The following CSMD1 variants were observed in gnomAD, a reference collection of about 807,000 sequenced individuals.
CSMD1 encodes the protein CUB and Sushi multiple domains 1, also known as CUB and sushi domain-containing protein 1.
A neutral mutation model predicts 417.5 loss-of-function variants in CSMD1; 213 were observed. The ratio of observed to expected loss-of-function variants is 0.51; its 90% CI spans 0.46 to 0.57. The LOEUF is 0.57. Among genes scored for constraint, CSMD1 ranks in the 20% least tolerant of loss-of-function variants. The pLI, the probability that CSMD1 is intolerant of heterozygous loss-of-function variation, is 0.00. For missense variants in CSMD1, 6,923 were observed against 4,529.7 expected, an observed-to-expected ratio of 1.53 and a Z score of -15.17; for synonymous variants, 2,862 against 1,736.8, an observed-to-expected ratio of 1.65 and a Z score of -16.11.
intron 10 of CSMD1, among the ~76,000 whole-genome samples, chr8:3,499,058 C>CT (rs781076476): frequency 3.3e-5 from 5 of 152,090 alleles, no homozygotes; most frequent in Non-Finnish European, 7.4e-5. Context: ...ATGTTTCTTG[C>CT]TTTTTAGACA....
At chr8:4,674,044 T>C (rs527570176) in intron 1 of CSMD1, among the ~76,000 whole-genome samples, 1 of 152,336 alleles carries the variant, frequency 6.6e-6, no homozygotes, top group African/African-American at 2.4e-5. Context: ...TCAATAAAGC[T>C]ATTATTAAAA....
At chr8:4,575,456 T>C (rs1410849999) in intron 2 of CSMD1, among the ~76,000 whole-genome samples, 1 of 152,176 alleles carries the variant, frequency 6.6e-6, no homozygotes, top group African/African-American at 2.4e-5. Context: ...CGGCAGGTCA[T>C]TAATTTCTCT....
chr8:3,766,739 G>C (rs1394247052), intron 5 of CSMD1, among the ~76,000 whole-genome samples: 3 of 151,448 alleles, frequency 2.0e-5, no homozygotes, highest in Non-Finnish European at 4.4e-5. Flanking sequence ...ATTATTTTTA[G>C]CATACATATT....
chr8:4,451,224 G>C (rs1037440554), intron 2 of CSMD1, among the ~76,000 whole-genome samples: 1 of 152,096 alleles, frequency 6.6e-6, no homozygotes, highest in African/African-American at 2.4e-5. Flanking sequence ...TCAACTACTT[G>C]GGAGGCTAAG....
intron 3 of CSMD1, among the ~76,000 whole-genome samples, chr8:4,042,698 T>A (rs770010151): frequency 2.0e-5 from 3 of 151,204 alleles, no homozygotes; most frequent in Non-Finnish European, 2.9e-5. Flanking sequence ...ATATTTTAGG[T>A]TTCTAACATA....
chr8:4,305,303 G>C (rs373246092), intron 3 of CSMD1, among the ~76,000 whole-genome samples: 1 of 152,142 alleles, frequency 6.6e-6, no homozygotes, highest in Non-Finnish European at 1.5e-5. Flanking sequence ...CCCGCTAGGA[G>C]AGAGTCAGGC....
intron 2 of CSMD1, among the ~76,000 whole-genome samples, chr8:4,490,755 T>C (rs1023377717): frequency 1.3e-5 from 2 of 152,216 alleles, no homozygotes; most frequent in Admixed American, 6.5e-5. Context: ...CAGGGTCAGA[T>C]TGTGCACTAG....
At chr8:3,797,527 G>C (rs976384699) in intron 5 of CSMD1, among the ~76,000 whole-genome samples, 3 of 151,724 alleles carry the variant, frequency 2.0e-5, no homozygotes, top group Non-Finnish European at 4.4e-5. Context: ...TTATATATTA[G>C]GCAAGCTCTC....
chr8:3,224,205 C>T (rs55737375), intron 27 of CSMD1, among the ~76,000 whole-genome samples: 19,096 of 152,198 alleles, frequency 0.13, 1,357 homozygotes, highest in Admixed American at 0.18. Context: ...CCAACGTGCA[C>T]ACATGTGCAC....
intron 7 of CSMD1, among the ~76,000 whole-genome samples, chr8:3,628,461 T>A (rs921250623): frequency 6.6e-6 from 1 of 152,196 alleles, no homozygotes; most frequent in Non-Finnish European, 1.5e-5. Context: ...TGAATTATTT[T>A]AAAAAATCCT....
chr8:3,341,706 G>T (rs192938235), intron 23 of CSMD1, among the ~76,000 whole-genome samples: 2 of 152,272 alleles, frequency 1.3e-5, no homozygotes, highest in Non-Finnish European at 2.9e-5. Context: ...ACGAAAATGT[G>T]TTCAGTGGCA....
intron 23 of CSMD1, among the ~76,000 whole-genome samples, chr8:3,311,483 C>G (rs527877316): frequency 7.2e-5 from 11 of 152,102 alleles, no homozygotes; most frequent in Non-Finnish European, 1.5e-4. Context: ...CTCCTGACCT[C>G]AAGTGATTTG....
At chr8:2,970,172 G>A (rs1157438756) in intron 57 of CSMD1, among the ~76,000 whole-genome samples, 2 of 152,288 alleles carry the variant, frequency 1.3e-5, no homozygotes, top group Non-Finnish European at 2.9e-5. Flanking sequence ...CAAATAAATT[G>A]TTTAATGTGT....
At chr8:4,368,506 C>T (rs1486409842) in intron 3 of CSMD1, among the ~76,000 whole-genome samples, 2 of 152,080 alleles carry the variant, frequency 1.3e-5, no homozygotes, top group Non-Finnish European at 2.9e-5. Flanking sequence ...AGAGAGAAGT[C>T]CCTCTTTCTC....
chr8:4,958,458 A>C (rs1809264887), intron 1 of CSMD1, among the ~76,000 whole-genome samples: 1 of 152,238 alleles, frequency 6.6e-6, no homozygotes, highest in Non-Finnish European at 1.5e-5. Context: ...TATTAACAGA[A>C]AACTGCAATA....
intron 6 of CSMD1, among the ~76,000 whole-genome samples, chr8:3,710,424 C>T (rs1393127332): frequency 6.6e-6 from 1 of 152,152 alleles, no homozygotes; most frequent in East Asian, 1.9e-4. Context: ...AATGCACCAT[C>T]TTTAGTATGG....
In CSMD1 at chr8:2,954,239, C is replaced by T. The variant is rs756155665; in HGVS notation, c.10024G>A (p.Val3342Ile). Residue 3342 changes from valine to isoleucine, a missense_variant, in exon 65 of 70, where the codon GTT (valine) becomes ATT (isoleucine). Physicochemically the swap from Val to Ile is conservative, Grantham distance 29 (BLOSUM62 3). Transcript: ENST00000635120. ...GTATACAAACCTGGAGTTTTAGTAA[C>T]TGTTTCATTAACTTCTCTCACTCCT... ...SKGVREVNETVTKTPVPSDVF... is the reference protein window; with the variant it reads ...SKGVREVNETITKTPVPSDVF... The T allele has an allele frequency of 6.7e-7, 1 of 1,500,470 alleles. No individual in the cohort carries two copies. The highest frequency in any genetic ancestry group is 9.0e-7 in the Non-Finnish European group (1 of 1,107,524). The allele number at this position is 1,500,470 out of a possible 1,614,324, so 92.9% of individuals were successfully genotyped here. A position where few individuals can be genotyped will look rare whatever the true frequency, so the allele number is the denominator to read the frequency against.
At chr8:4,137,883 T>A (rs1051567926) in intron 3 of CSMD1, among the ~76,000 whole-genome samples, 52 of 151,882 alleles carry the variant, frequency 3.4e-4, no homozygotes, top group Admixed American at 2.9e-3. Flanking sequence ...TTAATTAATT[T>A]ATTTATTTAC....
Position 4,566,011 on chromosome 8 carries a change from A to G in CSMD1, c.302+71331T>C, listed in dbSNP as rs372836191. 3.9e-4 allele frequency among the ~76,000 whole-genome samples: 60 copies of G among 151,902 alleles called. 1 individual carries two copies. The South Asian group carries it at 0.012, about 29-fold the overall frequency. ...TATTGAACTATTGTTTATTAATTCTATTTTACATATAACTTTAGCGAAACC... is the reference window on the plus strand; with the variant it reads ...TATTGAACTATTGTTTATTAATTCTGTTTTACATATAACTTTAGCGAAACC... On this transcript the variant is annotated intron_variant, in intron 2 of 69. Transcript: ENST00000635120.
Sources: gnomAD v4.1 joint callset for allele counts (sites outside exome capture counted in the v4.1 genomes callset) on GRCh38, gnomAD v4.1.1 for gene constraint, MANE v1.5 for transcripts, NCBI Gene and HGNC (gene_info 2026-07-23, HGNC 2026-07-21) for gene names.